Variants in ADAMTS19 observed in about 807,000 individuals in gnomAD.
ADAMTS19 encodes A disintegrin and metalloproteinase with thrombospondin motifs 19.
ADAMTS19 carries 93 observed loss-of-function variants against 153.3 expected under a neutral mutation model. The ratio of observed to expected loss-of-function variants is 0.61; its 90% CI spans 0.51 to 0.72. The LOEUF (loss-of-function observed/expected upper bound fraction) is 0.72, where lower values mean the gene tolerates loss of function less well. Among genes scored for constraint, ADAMTS19 ranks in the 30% least tolerant of loss-of-function variants. The pLI is 0.00. For missense variants in ADAMTS19, 1,482 were observed against 1,552.1 expected, an observed-to-expected ratio of 0.95 and a Z score of 0.76; for synonymous variants, 600 against 556.6, an observed-to-expected ratio of 1.08 and a Z score of -1.10.
At chr5:129,687,271 G>A (rs1755137473) in intron 18 of ADAMTS19, among the ~76,000 whole-genome samples, 1 of 152,086 alleles carries the variant, frequency 6.6e-6, no homozygotes, top group Non-Finnish European at 1.5e-5. Context: ...ACAGGCTGAT[G>A]GTTCACCTTA....
intron 2 of ADAMTS19, among the ~76,000 whole-genome samples, chr5:129,472,793 A>C (rs1298609597): frequency 1.3e-5 from 2 of 150,172 alleles, no homozygotes; most frequent in Non-Finnish European, 3.0e-5. Flanking sequence ...CTTAAATACA[A>C]TTTTATATTT....
At chr5:129,560,734 A>G (rs1388432653) in intron 7 of ADAMTS19, among the ~76,000 whole-genome samples, 9 of 152,244 alleles carry the variant, frequency 5.9e-5, no homozygotes, top group Admixed American at 3.9e-4. Context: ...TTTTATACAT[A>G]CATATGTTTA....
intron 13 of ADAMTS19, among the ~76,000 whole-genome samples, chr5:129,652,534 C>T (rs1410170246): frequency 6.6e-6 from 1 of 152,210 alleles, no homozygotes; most frequent in African/African-American, 2.4e-5. Flanking sequence ...TAAATCAAGA[C>T]AGAACCTGCC....
intron 14 of ADAMTS19, 87 bp downstream of exon 14, chr5:129,654,520 T>C: frequency 2.1e-6 from 3 of 1,436,890 alleles, no homozygotes; most frequent in Non-Finnish European, 2.8e-6. Flanking sequence ...GTGGAAAGCT[T>C]TGGACTTAGA....
intron 7 of ADAMTS19, among the ~76,000 whole-genome samples, chr5:129,565,741 T>C (rs1289600020): frequency 2.6e-5 from 4 of 152,160 alleles, no homozygotes; most frequent in African/African-American, 9.6e-5. Context: ...CTTACGAGAA[T>C]AAATGTATTG....
intron 7 of ADAMTS19, among the ~76,000 whole-genome samples, chr5:129,596,095 A>G (rs775194182): frequency 1.6e-4 from 24 of 152,040 alleles, no homozygotes; most frequent in Admixed American, 1.3e-4. Context: ...ATAGAATTTC[A>G]CAATTGTATT....
At chr5:129,736,577 T>C (rs1208960074) in intron 22 of ADAMTS19, among the ~76,000 whole-genome samples, 1 of 152,088 alleles carries the variant, frequency 6.6e-6, no homozygotes, top group Non-Finnish European at 1.5e-5. Flanking sequence ...AAATCACAGC[T>C]CCAGGTAATC....
intron 6 of ADAMTS19, among the ~76,000 whole-genome samples, chr5:129,537,232 T>C (rs921297821): frequency 8.6e-5 from 13 of 151,942 alleles, no homozygotes; most frequent in African/African-American, 3.1e-4. Flanking sequence ...TGAGATACCA[T>C]CTCACACCAG....
chr5:129,522,219 G>A (rs1045610103), intron 3 of ADAMTS19, among the ~76,000 whole-genome samples: 1 of 145,342 alleles, frequency 6.9e-6, no homozygotes, highest in South Asian at 2.2e-4. Flanking sequence ...ACACACATAT[G>A]TATATATGTT....
intron 2 of ADAMTS19, among the ~76,000 whole-genome samples, chr5:129,473,588 T>C (rs1381562303): frequency 1.3e-5 from 2 of 152,130 alleles, no homozygotes; most frequent in East Asian, 3.8e-4. Flanking sequence ...AGTAACTCAT[T>C]GTGAAAATAG....
At chr5:129,488,714 C>A (rs1048849607) in intron 2 of ADAMTS19, among the ~76,000 whole-genome samples, 3 of 152,012 alleles carry the variant, frequency 2.0e-5, no homozygotes, top group African/African-American at 7.2e-5. Flanking sequence ...CAATTTGTGG[C>A]ACTTTTTATC....
chr5:129,512,775 T>A (rs1751482354), intron 3 of ADAMTS19, among the ~76,000 whole-genome samples: 1 of 152,092 alleles, frequency 6.6e-6, no homozygotes, highest in South Asian at 2.1e-4. Flanking sequence ...GCCTCTCATT[T>A]TATAAACTAT....
At chr5:129,499,649 A>G (rs1300144611) in intron 2 of ADAMTS19, among the ~76,000 whole-genome samples, 1 of 152,150 alleles carries the variant, frequency 6.6e-6, no homozygotes, top group East Asian at 1.9e-4. Context: ...GTGTTGAAAG[A>G]TATACCACAA....
At chr5:129,478,152 G>T (rs1360017427) in intron 2 of ADAMTS19, among the ~76,000 whole-genome samples, 1 of 152,148 alleles carries the variant, frequency 6.6e-6, no homozygotes, top group Non-Finnish European at 1.5e-5. Flanking sequence ...GAAAACAGCT[G>T]ACCGGCTTGA....
chr5:129,715,603 T>C (rs1042173961), intron 21 of ADAMTS19, among the ~76,000 whole-genome samples: 2 of 152,182 alleles, frequency 1.3e-5, no homozygotes, highest in African/African-American at 4.8e-5. Context: ...GTTGATTATC[T>C]GTAGTGGGAG....
At chr5:129,719,504 G>A (rs1756880860) in intron 21 of ADAMTS19, among the ~76,000 whole-genome samples, 1 of 152,000 alleles carries the variant, frequency 6.6e-6, no homozygotes, top group African/African-American at 2.4e-5. Context: ...TTTAAACTTT[G>A]GCATTTTACC....
intron 16 of ADAMTS19, among the ~76,000 whole-genome samples, chr5:129,673,913 C>T (rs144523898): frequency 6.6e-6 from 1 of 152,032 alleles, no homozygotes; most frequent in Non-Finnish European, 1.5e-5. Context: ...ATATTTCTTG[C>T]CCTTGTCCAT....
At chr5:129,715,265 T>C (rs1756673048) in intron 21 of ADAMTS19, among the ~76,000 whole-genome samples, 1 of 152,210 alleles carries the variant, frequency 6.6e-6, no homozygotes, top group South Asian at 2.1e-4. Context: ...ATTCTTACTT[T>C]TTTAATCCTT....
chr5:129,460,687 ATAG>A, intron 1 of ADAMTS19: 1 of 617,354 alleles, frequency 1.6e-6, no homozygotes, highest in South Asian at 1.9e-5. Context: ...CGTATGTGGA[ATAG>A]TTTCCTTCTA....
Sources: allele counts gnomAD v4.1 joint callset (sites outside exome capture counted in the v4.1 genomes callset), GRCh38; gene constraint gnomAD v4.1.1; transcripts MANE v1.5; gene names NCBI Gene and HGNC (gene_info 2026-07-23, HGNC 2026-07-21).